The following TGM7 variants were observed in gnomAD, a reference collection of about 807,000 sequenced individuals.
TGM7 encodes transglutaminase 7.
TGM7 carries 74 observed loss-of-function variants against 79.5 expected under a neutral mutation model. The observed-to-expected ratio is 0.93, with a 90% CI of 0.77 to 1.13. TGM7 has a LOEUF of 1.13. Ranked by LOEUF, TGM7 falls within the 50% of genes most tolerant of loss-of-function variation. TGM7 has a pLI of 0.00. For synonymous variants in TGM7, 354 were observed against 362.5 expected (o/e 0.98, Z 0.27); for missense variants, 912 against 905.9 (o/e 1.01, Z -0.09).
At chr15:43,281,480 A>G (rs1411552940) in intron 9 of TGM7, among the ~76,000 whole-genome samples, 1 of 152,242 alleles carries the variant, frequency 6.6e-6, no homozygotes, top group Non-Finnish European at 1.5e-5. Context: ...AGTATAGTAC[A>G]TCCCATGCAC....
rs1253829302 is a variant in TGM7 at position 43,287,758 on chromosome 15, C to CA, written c.559-90dup. 6 of 1,457,250 alleles carry CA rather than the reference C, an allele frequency of 4.1e-6. No individual in the cohort carries two copies. The East Asian group carries it at 9.2e-5, about 22-fold the overall frequency. 90.3% of individuals were successfully genotyped at this position (1,457,250 alleles called of 1,614,324 possible). A position where few individuals can be genotyped will look rare whatever the true frequency, so the allele number is the denominator to read the frequency against. On this transcript the variant is annotated intron_variant, in intron 4 of 12. Coordinates refer to ENST00000452443, the MANE Select transcript of TGM7 (RefSeq NM_052955.3). ...GTCACTAACAGACTTTTGGGGATGG[C>CA]ATGTATATGGGGATGTGGGGGCAGG...
chr15:43,297,576 A>G (rs1443978308), intron 1 of TGM7, among the ~76,000 whole-genome samples: 1 of 147,228 alleles, frequency 6.8e-6, no homozygotes, highest in African/African-American at 2.5e-5. Context: ...TGAAACAGCC[A>G]TCTGCATGTA....
intron 7 of TGM7, 144 bp downstream of exon 7, chr15:43,284,670 T>G (rs2042925769): frequency 2.0e-6 from 2 of 995,428 alleles, no homozygotes; most frequent in Non-Finnish European, 3.0e-6. Context: ...CCTCCTGGGT[T>G]GGGGAATTCT....
At position 43,279,734 on chromosome 15, in the gene TGM7, C is replaced by T. The variant is rs777479722; in HGVS notation, c.1569G>A (p.Gly523=). Residue 523 remains glycine (G), a synonymous_variant, in exon 10 of 13, where the codon GGG becomes GGA. Transcript: ENST00000452443. ...QRVPDSTHPR[G]PIGLVVRFCA... ...AGAAGCGCACCACCAGTCCGATGGG[C>T]CCCCGAGGGTGGGTGCTGTCTGGCA... 4 of 1,613,868 alleles carry T rather than the reference C, an allele frequency of 2.5e-6. No homozygotes were observed. The highest frequency in any genetic ancestry group is 3.4e-6 in the Non-Finnish European group (4 of 1,180,044).
intron 3 of TGM7, 138 bp from the exon 4 acceptor site, chr15:43,292,235 C>G: frequency 1.6e-6 from 1 of 629,794 alleles, no homozygotes; most frequent in East Asian, 2.8e-5. Context: ...GAAATTAAGA[C>G]TAGACCCCCT....
intron 9 of TGM7, among the ~76,000 whole-genome samples, chr15:43,280,570 C>A (rs551855082): frequency 6.6e-6 from 1 of 152,146 alleles, no homozygotes; most frequent in Non-Finnish European, 1.5e-5. Context: ...TTGCAGTGAG[C>A]CGAGATTGCG....
chr15:43,287,209 T>C, intron 6 of TGM7, 71 bp downstream of exon 6: 1 of 1,526,868 alleles, frequency 6.5e-7, no homozygotes, highest in South Asian at 1.3e-5. Context: ...CTACTGAACC[T>C]TTATGAGCCA....
chr15:43,294,312 A>C (rs1165093378), intron 1 of TGM7, among the ~76,000 whole-genome samples: 1 of 152,172 alleles, frequency 6.6e-6, no homozygotes, highest in Non-Finnish European at 1.5e-5. Context: ...CTGTGTGTGC[A>C]CACCTGGTAC....
chr15:43,290,221 C>T (rs2042956914), intron 4 of TGM7, among the ~76,000 whole-genome samples: 1 of 152,018 alleles, frequency 6.6e-6, no homozygotes, highest in Non-Finnish European at 1.5e-5. Flanking sequence ...GTCTTTAATC[C>T]ATCTTGAATT....
chr15:43,293,269 G>T (rs1451761192), intron 2 of TGM7, among the ~76,000 whole-genome samples, 180 bp downstream of exon 2: 1 of 152,140 alleles, frequency 6.6e-6, no homozygotes, highest in East Asian at 1.9e-4. Flanking sequence ...TCAGTTTGCC[G>T]AGTTGACCAA....
At chr15:43,292,174 A>C (rs2042966983) in intron 3 of TGM7, 77 bp from the exon 4 acceptor site, 1 of 995,890 alleles carries the variant, frequency 1.0e-6, no homozygotes. Context: ...AACAGTAACG[A>C]CAACGTGTTT....
In TGM7 at chr15:43,276,470, C is replaced by T. The variant is rs752438312; in HGVS notation, c.2118G>A (p.Val706=). 10 of 1,613,250 alleles carry T rather than the reference C, an allele frequency of 6.2e-6. 1 individual carries two copies. In the South Asian group the frequency reaches 1.1e-4, roughly 18 times the overall value. The part of the protein sequence containing the change: ...IKGYKDIFVT[V]AGAP Reference sequence around the variant, plus strand: ...AGGGCGGGTCTCAGGGAGCCCCAGCCACAGTGACGAAGATGTCCTTGTAGC... The same window carrying T: ...AGGGCGGGTCTCAGGGAGCCCCAGCTACAGTGACGAAGATGTCCTTGTAGC... Residue 706 remains valine (V), a synonymous_variant, in exon 13 of 13, where the codon GTG becomes GTA. Coordinates refer to ENST00000452443, the MANE Select transcript of TGM7 (RefSeq NM_052955.3).
chr15:43,293,322 T>C (rs538238), intron 2 of TGM7, 127 bp downstream of exon 2: 449,028 of 1,239,950 alleles, frequency 0.36, 93,740 homozygotes, highest in African/African-American at 0.88. Context: ...GCATGAGGGG[T>C]CTGGGGCTCC....
At chr15:43,276,768 G>A in intron 12 of TGM7, 94 bp downstream of exon 12, 1 of 1,549,916 alleles carries the variant, frequency 6.5e-7, no homozygotes, top group Non-Finnish European at 8.7e-7. Context: ...GGGCAGAGAG[G>A]CACTGCACAG....
At chr15:43,290,859 CTG>C (rs1359445713) in intron 4 of TGM7, among the ~76,000 whole-genome samples, 2 of 152,126 alleles carry the variant, frequency 1.3e-5, no homozygotes, top group Admixed American at 1.3e-4. Context: ...TGATTTGACT[CTG>C]TTTGTCTGTT....
intron 4 of TGM7, among the ~76,000 whole-genome samples, chr15:43,291,773 A>G (rs2042964381): frequency 1.3e-5 from 2 of 152,214 alleles, no homozygotes; most frequent in Admixed American, 6.5e-5. Flanking sequence ...TCATAATAAA[A>G]TGTTAAAAAC....
In TGM7 at chr15:43,292,002, A is replaced by G. The variant is rs2042965659; in HGVS notation, c.535T>C (p.Ser179Pro). Reference sequence around the variant, plus strand: ...ACCTGCCCGTAGTTCCAGGGCCAGGAGGTGATGAATCTTTCATGACCCTTG... The same window carrying G: ...ACCTGCCCGTAGTTCCAGGGCCAGGGGGTGATGAATCTTTCATGACCCTTG... Reference protein sequence around the residue: ...VYKGHERFITSWPWNYGQFEE... With the variant: ...VYKGHERFITPWPWNYGQFEE... The change falls in exon 4 of 13, where the codon TCC becomes CCC. Residue 179 changes from serine (S) to proline (P), a missense_variant. Coordinates refer to ENST00000452443, the MANE Select transcript of TGM7 (RefSeq NM_052955.3). 6.2e-7 allele frequency: 1 copy of G among 1,613,758 alleles called. No homozygotes were observed. The highest frequency in any genetic ancestry group is 1.7e-5 in the Admixed American group (1 of 60,000).
At chr15:43,278,689 AGTGATC>A (rs1596458682) in intron 11 of TGM7, among the ~76,000 whole-genome samples, 1 of 152,226 alleles carries the variant, frequency 6.6e-6, no homozygotes, top group East Asian at 1.9e-4. Context: ...CCTGGGTTCA[AGTGATC>A]CTCCCGCCTT....
At position 43,276,286 on chromosome 15, in the gene TGM7, A is replaced by T. The variant is rs1305640975; in HGVS notation, c.*169T>A. On this transcript the variant is annotated 3_prime_UTR_variant, in exon 13 of 13. Coordinates refer to ENST00000452443, the MANE Select transcript of TGM7 (RefSeq NM_052955.3). ...GGCTTGAGAATGCTGGTGATAAATAAAGACATCTTTATTGTCTCTTCCCAA... is the reference window on the plus strand; with the variant it reads ...GGCTTGAGAATGCTGGTGATAAATATAGACATCTTTATTGTCTCTTCCCAA... 3 of 806,650 alleles carry T rather than the reference A, an allele frequency of 3.7e-6. No homozygotes were observed. Among genetic ancestry groups the T allele is most frequent in the Non-Finnish European group, 5.7e-6 (3 of 527,524 alleles). 50.0% of individuals were successfully genotyped at this position (806,650 alleles called of 1,614,324 possible). A position where few individuals can be genotyped will look rare whatever the true frequency, so the allele number is the denominator to read the frequency against.
Sources: gnomAD v4.1 joint callset for allele counts (sites outside exome capture counted in the v4.1 genomes callset) on GRCh38, gnomAD v4.1.1 for gene constraint, MANE v1.5 for transcripts, NCBI Gene and HGNC (gene_info 2026-07-23, HGNC 2026-07-21) for gene names.